Variants in RADIL observed in about 807,000 individuals in gnomAD.
The protein encoded by RADIL is Rap associating with DIL domain, also known as ras-associating and dilute domain-containing protein.
RADIL carries 99 observed loss-of-function variants against 97.6 expected under a neutral mutation model. The observed-to-expected ratio is 1.01, with a 90% CI of 0.86 to 1.20. The LOEUF (loss-of-function observed/expected upper bound fraction) is 1.20, where lower values mean the gene tolerates loss of function less well. RADIL is among the 50% of genes most tolerant of loss of function. The pLI, the probability that RADIL is intolerant of heterozygous loss-of-function variation, is 0.00. For synonymous variants in RADIL, 803 were observed against 691.8 expected, an observed-to-expected ratio of 1.16 and a Z score of -2.52; for missense variants, 1,765 against 1,498.9, an observed-to-expected ratio of 1.18 and a Z score of -2.93.
chr7:4,825,394 C>T (rs993229355), intron 5 of RADIL, among the ~76,000 whole-genome samples: 3 of 152,136 alleles, frequency 2.0e-5, no homozygotes, highest in African/African-American at 4.8e-5. Context: ...CATGGGCTGC[C>T]GGCCACAGCC....
In RADIL at chr7:4,835,186, G is replaced by A. The variant is rs758375826; in HGVS notation, c.837C>T (p.Thr279=). The change falls in exon 4 of 15, where the codon ACC becomes ACT. Residue 279 remains threonine (T), a synonymous_variant. Transcript: ENST00000399583. The surrounding 1 kb of genome is among the most constrained non-coding windows in gnomAD (Gnocchi z 5.8). ...GGCTGATGCTGGGCTTGCTGGAGGG[G>A]GTCCGCTGGCCCACCGTGTGCCGGT... ...NRDRHTVGQR[T]PSSKPSISLS... is the part of the protein sequence containing the mutation. The A allele has an allele frequency of 1.2e-6, 2 of 1,612,068 alleles. No individual in the cohort carries two copies. Among genetic ancestry groups the A allele is most frequent in the South Asian group, 2.2e-5 (2 of 90,972 alleles).
chr7:4,847,947 G>A (rs1468049034), intron 2 of RADIL, among the ~76,000 whole-genome samples: 2 of 152,134 alleles, frequency 1.3e-5, no homozygotes, highest in Non-Finnish European at 2.9e-5. Flanking sequence ...TGTAATCCCA[G>A]CACTTAGGGA....
intron 6 of RADIL, among the ~76,000 whole-genome samples, chr7:4,820,537 AC>A (rs1782802197): frequency 6.6e-6 from 1 of 152,160 alleles, no homozygotes; most frequent in South Asian, 2.1e-4. Flanking sequence ...GGTTGACACT[AC>A]CCCCACATAT....
At chr7:4,803,967 A>C (rs1782205811) in intron 10 of RADIL, 1 of 655,706 alleles carries the variant, frequency 1.5e-6, no homozygotes, top group Non-Finnish European at 2.8e-6. Context: ...CCGGTGTGAC[A>C]TCCGAGCAGT....
At position 4,822,022 on chromosome 7, in the gene RADIL, C is replaced by T. The variant is rs540140724; in HGVS notation, c.1615+372G>A. Among the ~76,000 whole-genome samples, 27 of 152,236 alleles carry T rather than the reference C, an allele frequency of 1.8e-4. No homozygotes were observed. The highest frequency in any genetic ancestry group is 3.8e-4 in the Non-Finnish European group (26 of 68,000). On this transcript the variant is annotated intron_variant, in intron 6 of 14. Coordinates refer to ENST00000399583, the MANE Select transcript of RADIL (RefSeq NM_018059.5). The surrounding 1 kb of genome is among the most constrained non-coding windows in gnomAD (Gnocchi z 5.3). ...ATGGCCGACGCTCTCTCTACCGCCC[C>T]TTACATTTGGTTCACGGTGGCATCT...
At chr7:4,877,256 A>G (rs1487350130) in intron 2 of RADIL, among the ~76,000 whole-genome samples, 1 of 152,136 alleles carries the variant, frequency 6.6e-6, no homozygotes, top group Non-Finnish European at 1.5e-5. Context: ...TATCCTGGGT[A>G]TCACAGCGAG....
rs1583294411 is a variant in RADIL, at chr7:4,835,386, A to T, written c.784-147T>A. On this transcript the variant is annotated intron_variant, in intron 3 of 14. Transcript: ENST00000399583. This position sits in a 1 kb window ranked among gnomAD's most constrained non-coding sequence, Gnocchi z 5.8. ...TGTCCCTGGCCACCCCCACACCAGA[A>T]CCCCGACGGCTCTCAGGAACCCGCC... The T allele has an allele frequency of 9.4e-7, 1 of 1,066,420 alleles. No homozygotes were observed. The allele number at this position is 1,066,420 out of a possible 1,614,324, so 66.1% of individuals were successfully genotyped here. A position where few individuals can be genotyped will look rare whatever the true frequency, so the allele number is the denominator to read the frequency against.
chr7:4,801,223 C>T (rs1221747230), intron 12 of RADIL, among the ~76,000 whole-genome samples: 1 of 152,208 alleles, frequency 6.6e-6, no homozygotes, highest in Non-Finnish European at 1.5e-5. Context: ...CACCCATGCA[C>T]CTGTGAGCAC....
At chr7:4,847,739 CAAAAAAAAAAA>C (rs56177809) in intron 2 of RADIL, among the ~76,000 whole-genome samples, 26 of 23,808 alleles carry the variant, frequency 1.1e-3, no homozygotes, top group Admixed American at 3.8e-3. Flanking sequence ...AAGCTAGATG[CAAAAAAAAAAA>C]AAAAAAAAAA....
rs992318884 is a variant in RADIL at position 4,799,304 on chromosome 7, C to G, written c.*74G>C. ...AACTTGGTCAGTTACAAAACAGGGA[C>G]GAAGGCGGGAGGAAGCCCAGTGTCA... On this transcript the variant is annotated 3_prime_UTR_variant, in exon 15 of 15. Coordinates refer to ENST00000399583, the MANE Select transcript of RADIL (RefSeq NM_018059.5). 1.4e-6 allele frequency: 2 copies of G among 1,474,460 alleles called. No homozygotes were observed. The highest frequency in any genetic ancestry group is 1.9e-6 in the Non-Finnish European group (2 of 1,063,010). The allele number at this position is 1,474,460 out of a possible 1,614,324, so 91.3% of individuals were successfully genotyped here.
In RADIL at chr7:4,803,614, G is replaced by A. The variant is rs767952029; in HGVS notation, c.2431C>T (p.Arg811Trp). 176 of 1,548,624 alleles carry A rather than the reference G, an allele frequency of 1.1e-4. No individual in the cohort carries two copies. The highest frequency in any genetic ancestry group is 1.5e-4 in the Non-Finnish European group (167 of 1,146,874). Residue 811 changes from arginine to tryptophan, a missense_variant, in exon 11 of 15, where the codon CGG (arginine) becomes TGG (tryptophan). Transcript: ENST00000399583. ...GGGCTGCCGGGGCTGGCTCTGCTCC[G>A]CAGACCCCACAGAAAGTGGCGGACG... ...LYVRHFLWGL[R>W]SRASPGSPGR...
At position 4,873,985 on chromosome 7, in the gene RADIL, G is replaced by A. The variant is rs367754182; in HGVS notation, c.535+3620C>T. ...TCTCAGTCGTTCCCCTTGGAGGGGC[G>A]AGGGAGGAATCGCCTAGTGCCGGCT... On this transcript the variant is annotated intron_variant, in intron 2 of 14. Coordinates refer to ENST00000399583, the MANE Select transcript of RADIL (RefSeq NM_018059.5). This position sits in a 1 kb window ranked among gnomAD's most constrained non-coding sequence, Gnocchi z 4.3. Among the ~76,000 whole-genome samples the A allele has an allele frequency of 8.5e-5, 13 of 152,256 alleles. No individual in the cohort carries two copies. The highest frequency in any genetic ancestry group is 2.7e-4 in the African/African-American group (11 of 41,468).
At position 4,883,141 on chromosome 7, in the gene RADIL, G is replaced by A. The variant is rs1395840553; in HGVS notation, c.-65+455C>T. Among the ~76,000 whole-genome samples, 2 of 147,716 alleles carry A rather than the reference G, an allele frequency of 1.4e-5. No individual in the cohort carries two copies. The highest frequency in any genetic ancestry group is 5.4e-5 in the African/African-American group (2 of 37,174). On this transcript the variant is annotated intron_variant, in intron 1 of 14. Coordinates refer to ENST00000399583, the MANE Select transcript of RADIL (RefSeq NM_018059.5). This position sits in a 1 kb window ranked among gnomAD's most constrained non-coding sequence, Gnocchi z 7.1. ...GTGCAGGGGACGTCTCGCCGGCCCA[G>A]GTGGGAGAGCGCGCGGAACCCTGCG...
At chr7:4,847,739 CAAAAAAAAA>C (rs56177809) in intron 2 of RADIL, among the ~76,000 whole-genome samples, 242 of 23,810 alleles carry the variant, frequency 0.01, no homozygotes, top group East Asian at 0.08. Context: ...AAGCTAGATG[CAAAAAAAAA>C]AAAAAAAAAA....
chr7:4,811,538 A>G lies in RADIL; in HGVS notation c.2139+3740T>C, dbSNP rs1190956020. 3.8e-3 allele frequency among the ~76,000 whole-genome samples: 445 copies of G among 115,980 alleles called. 3 individuals are homozygous for G. The highest frequency in any genetic ancestry group is 0.014 in the African/African-American group (423 of 30,160). The allele number at this position is 115,980 out of a possible 152,430, so 76.1% of individuals were successfully genotyped here. On this transcript the variant is annotated intron_variant, in intron 9 of 14. Transcript: ENST00000399583. ...AGTCTCACTCTGTCACCCAGGCTGGAGTGCAGTGGCGCAATCTCGGCTCAC... is the reference window on the plus strand; with the variant it reads ...AGTCTCACTCTGTCACCCAGGCTGGGGTGCAGTGGCGCAATCTCGGCTCAC...
At chr7:4,804,649 T>C (rs901958757) in intron 10 of RADIL, among the ~76,000 whole-genome samples, 2 of 151,914 alleles carry the variant, frequency 1.3e-5, no homozygotes, top group Non-Finnish European at 2.9e-5. Flanking sequence ...TAGCCAGGCA[T>C]GGTGGCACAC....
At chr7:4,861,202 A>AT in intron 2 of RADIL, 2 of 1,614,278 alleles carry the variant, frequency 1.2e-6, no homozygotes, top group Non-Finnish European at 1.7e-6. Context: ...CCCGGCAACC[A>AT]TTAAGGCTTC....
In RADIL at chr7:4,813,995, G is replaced by A. The variant is rs140327431; in HGVS notation, c.2139+1283C>T. The stretch of plus-strand genomic sequence containing the variant: ...GGGTCTCGCTGTGTTGCCCAGGCTG[G>A]TCTCAAACCAATGGCCTCAAGTGAT... On this transcript the variant is annotated intron_variant, in intron 9 of 14. Coordinates refer to ENST00000399583, the MANE Select transcript of RADIL (RefSeq NM_018059.5). The surrounding 1 kb of genome is among the most constrained non-coding windows in gnomAD (Gnocchi z 5.0). 1.2e-3 allele frequency among the ~76,000 whole-genome samples: 190 copies of A among 152,174 alleles called. No homozygotes were observed. The highest frequency in any genetic ancestry group is 4.3e-3 in the African/African-American group (177 of 41,506).
intron 12 of RADIL, among the ~76,000 whole-genome samples, chr7:4,800,834 A>G (rs59374668): frequency 0.31 from 47,661 of 152,090 alleles, 10,705 homozygotes; most frequent in African/African-American, 0.63. Flanking sequence ...CACCTGAGCA[A>G]GTGGCCTGCC....
Sources: gnomAD v4.1 joint callset for allele counts (sites outside exome capture counted in the v4.1 genomes callset) on GRCh38, gnomAD v4.1.1 for gene constraint, Gnocchi (gnomAD v3.1) non-coding constraint, MANE v1.5 for transcripts, NCBI Gene and HGNC (gene_info 2026-07-23, HGNC 2026-07-21) for gene names.